The following TACC1 variants were observed in gnomAD, a reference collection of about 807,000 sequenced individuals.
TACC1 encodes the protein transforming acidic coiled-coil-containing protein 1.
In TACC1, 48 loss-of-function variants were observed where a neutral mutation model predicts 84.4. The ratio of observed to expected loss-of-function variants is 0.57; its 90% CI spans 0.45 to 0.72. The LOEUF is 0.72. Ranked by LOEUF, TACC1 falls within the 30% of genes least tolerant of loss-of-function variation. The pLI is 0.00. For missense variants in TACC1, 920 were observed against 973.0 expected, an observed-to-expected ratio of 0.95 and a Z score of 0.72; for synonymous variants, 372 against 376.3, an observed-to-expected ratio of 0.99 and a Z score of 0.13.
At chr8:38,763,041 A>C (rs1281322428) in intron 3 of TACC1, among the ~76,000 whole-genome samples, 1 of 152,166 alleles carries the variant, frequency 6.6e-6, no homozygotes, top group Non-Finnish European at 1.5e-5. Context: ...TCCCACCAAC[A>C]AATGCATGAG....
intron 3 of TACC1, among the ~76,000 whole-genome samples, chr8:38,759,884 C>A (rs1213450860): frequency 6.6e-6 from 1 of 152,324 alleles, no homozygotes; most frequent in Admixed American, 6.5e-5. Context: ...AGCGACAAGT[C>A]TCTCCAGGAT....
chr8:38,775,778 A>G (rs913548520), intron 3 of TACC1, among the ~76,000 whole-genome samples: 2 of 152,230 alleles, frequency 1.3e-5, no homozygotes, highest in Non-Finnish European at 2.9e-5. Flanking sequence ...TATTCTGCTC[A>G]GTGTCTATGC....
chr8:38,807,476 G>A (rs1823041991), intron 2 of TACC1, among the ~76,000 whole-genome samples: 2 of 152,196 alleles, frequency 1.3e-5, no homozygotes. Context: ...AGTGGTGGAC[G>A]AATCTGAAAG....
intron 3 of TACC1, among the ~76,000 whole-genome samples, chr8:38,758,812 A>G (rs1810655283): frequency 6.6e-6 from 1 of 151,094 alleles, no homozygotes; most frequent in Admixed American, 6.6e-5. Context: ...TACTGTCTTC[A>G]TTTTACTGGT....
intron 3 of TACC1, among the ~76,000 whole-genome samples, chr8:38,756,443 G>T (rs1810057329): frequency 1.3e-5 from 2 of 152,150 alleles, no homozygotes; most frequent in African/African-American, 4.8e-5. Context: ...ACAGGTGGCT[G>T]GAGAGGAGGT....
intron 3 of TACC1, among the ~76,000 whole-genome samples, chr8:38,779,839 T>A (rs947694030): frequency 6.6e-5 from 10 of 152,244 alleles, no homozygotes; most frequent in African/African-American, 2.4e-4. Context: ...GTAACAATAC[T>A]TTCCTCCTGA....
At position 38,848,162 on chromosome 8, in the gene TACC1, T is replaced by C; in HGVS notation, c.*139T>C. The C allele has an allele frequency of 1.4e-6, 1 of 729,460 alleles. No homozygotes were observed. Among genetic ancestry groups the C allele is most frequent in the Non-Finnish European group, 2.2e-6 (1 of 452,800 alleles). 45.2% of individuals were successfully genotyped at this position (729,460 alleles called of 1,614,324 possible). ...AAAAAAGCACATGCCTACTGCTGCC[T>C]GTCCCGCTTTGCTGCCAATGCAACA... On this transcript the variant is annotated 3_prime_UTR_variant, in exon 13 of 13. Transcript: ENST00000317827.
intron 1 of TACC1, among the ~76,000 whole-genome samples, chr8:38,738,068 CT>C (rs941691537): frequency 2.0e-5 from 3 of 151,962 alleles, no homozygotes; most frequent in Non-Finnish European, 4.4e-5. Context: ...TTCTAGAGAT[CT>C]TCCTGTAGTT....
At chr8:38,815,403 A>T (rs1028505107) in intron 2 of TACC1, among the ~76,000 whole-genome samples, 3 of 152,192 alleles carry the variant, frequency 2.0e-5, no homozygotes, top group African/African-American at 7.2e-5. Flanking sequence ...GGACTCTAAC[A>T]TATAATAGAT....
chr8:38,757,464 G>C, intron 3 of TACC1: 1 of 1,107,504 alleles, frequency 9.0e-7, no homozygotes, highest in South Asian at 1.8e-5. Flanking sequence ...GTGCCAGCCC[G>C]GGATGGAGCG....
Position 38,814,489 on chromosome 8 carries a change from G to A in TACC1, c.278-5033G>A, listed in dbSNP as rs570031244. ...TACCATTGCCTACAGTATTCAGTAC[G>A]GTAACATGCTGTTCAGGTTTGTAGC... On this transcript the variant is annotated intron_variant, in intron 2 of 12. Coordinates refer to ENST00000317827, the MANE Select transcript of TACC1 (RefSeq NM_006283.3). Among the ~76,000 whole-genome samples the A allele has an allele frequency of 4.6e-5, 7 of 152,204 alleles. No homozygotes were observed. The East Asian group carries it at 5.8e-4, about 13-fold the overall frequency.
chr8:38,832,585 T>G (rs1333368376), intron 6 of TACC1, among the ~76,000 whole-genome samples: 1 of 152,246 alleles, frequency 6.6e-6, no homozygotes, highest in Non-Finnish European at 1.5e-5. Context: ...TGAAGTCCAT[T>G]CTTATGTGGT....
intron 3 of TACC1, among the ~76,000 whole-genome samples, chr8:38,781,929 TATTTTA>T (rs1816070661): frequency 6.6e-6 from 1 of 151,380 alleles, no homozygotes; most frequent in Non-Finnish European, 1.5e-5. Context: ...TTTTATTTTT[TATTTTA>T]ATTTTATTTA....
intron 5 of TACC1, 67 bp downstream of exon 5, chr8:38,827,442 C>T: frequency 1.3e-6 from 2 of 1,507,404 alleles, no homozygotes; most frequent in Non-Finnish European, 1.8e-6. Flanking sequence ...CCTAATAAAG[C>T]AGGAGGAGCC....
At chr8:38,789,384 A>G (rs111761280) in intron 2 of TACC1, among the ~76,000 whole-genome samples, 3 of 152,302 alleles carry the variant, frequency 2.0e-5, no homozygotes, top group African/African-American at 7.2e-5. Context: ...TAATTAGTAG[A>G]AACCTTTTTT....
At chr8:38,774,875 G>A (rs1814497165) in intron 3 of TACC1, among the ~76,000 whole-genome samples, 2 of 152,062 alleles carry the variant, frequency 1.3e-5, no homozygotes, top group East Asian at 3.8e-4. Context: ...GCTGGGCATG[G>A]TGGCACATGC....
intron 3 of TACC1, among the ~76,000 whole-genome samples, chr8:38,763,905 C>G (rs1290692694): frequency 6.6e-6 from 1 of 152,118 alleles, no homozygotes; most frequent in Non-Finnish European, 1.5e-5. Context: ...TTGTACATTT[C>G]TGAGTAATAA....
chr8:38,787,567 C>T lies in TACC1; in HGVS notation c.-16C>T, dbSNP rs986874915. The T allele has an allele frequency of 6.5e-6, 10 of 1,534,302 alleles. No individual in the cohort carries two copies. In the Admixed American group the frequency reaches 8.3e-5, roughly 13 times the overall value. On this transcript the variant is annotated 5_prime_UTR_variant, in exon 1 of 13. Coordinates refer to ENST00000317827, the MANE Select transcript of TACC1 (RefSeq NM_006283.3). ...TTCCCCTGCCCCTAGGAGCTGGAGC[C>T]GGAGGAGCCGCGCTCATGGCGTTCA... is the stretch of plus-strand genomic sequence containing the variant.
chr8:38,753,928 T>TCTTC (rs1437589744), intron 3 of TACC1, among the ~76,000 whole-genome samples: 1 of 142,818 alleles, frequency 7.0e-6, no homozygotes, highest in Non-Finnish European at 1.6e-5. Context: ...TTTCTTTCTT[T>TCTTC]CTTCTTTCTC....
Sources: gnomAD v4.1 joint callset for allele counts (sites outside exome capture counted in the v4.1 genomes callset) on GRCh38, gnomAD v4.1.1 for gene constraint, MANE v1.5 for transcripts, NCBI Gene and HGNC (gene_info 2026-07-23, HGNC 2026-07-21) for gene names.